Variants in ADGB observed in about 807,000 individuals in gnomAD.
ADGB encodes the protein calpain-7-like protein.
ADGB carries 172 observed loss-of-function variants against 210.5 expected under a neutral mutation model. The ratio of observed to expected loss-of-function variants is 0.82; its 90% CI spans 0.72 to 0.93. ADGB has a LOEUF of 0.93. ADGB is among the 40% of genes least tolerant of loss of function. ADGB has a pLI of 0.00. For missense variants in ADGB, 2,025 were observed against 1,964.8 expected, an observed-to-expected ratio of 1.03 and a Z score of -0.58; for synonymous variants, 658 against 662.7, an observed-to-expected ratio of 0.99 and a Z score of 0.11.
chr6:146,602,493 T>C (rs1415078209), intron 1 of ADGB, among the ~76,000 whole-genome samples: 1 of 152,236 alleles, frequency 6.6e-6, no homozygotes, highest in Non-Finnish European at 1.5e-5. Context: ...ATCACAACTG[T>C]CACAGATTAT....
intron 9 of ADGB, among the ~76,000 whole-genome samples, chr6:146,684,935 T>A (rs1776202370): frequency 1.3e-5 from 2 of 152,134 alleles, no homozygotes; most frequent in Non-Finnish European, 2.9e-5. Context: ...CAGATTTTCA[T>A]ATCTCCATTC....
intron 12 of ADGB, among the ~76,000 whole-genome samples, chr6:146,695,438 T>C (rs964338920): frequency 1.5e-4 from 23 of 152,136 alleles, no homozygotes; most frequent in Admixed American, 5.9e-4. Context: ...CATAGTAACT[T>C]GGAAATCATA....
intron 1 of ADGB, among the ~76,000 whole-genome samples, chr6:146,623,166 G>T (rs774414342): frequency 6.6e-6 from 1 of 151,604 alleles, no homozygotes; most frequent in Non-Finnish European, 1.5e-5. Flanking sequence ...TCTATTTTCC[G>T]TTTGGGTCCA....
chr6:146,629,176 G>T (rs1334620384), intron 1 of ADGB, among the ~76,000 whole-genome samples: 3 of 152,042 alleles, frequency 2.0e-5, no homozygotes, highest in African/African-American at 7.2e-5. Flanking sequence ...GAATTAATGA[G>T]ACCGGAATAA....
intron 3 of ADGB, among the ~76,000 whole-genome samples, chr6:146,649,715 T>C (rs184699808): frequency 6.6e-6 from 1 of 152,114 alleles, no homozygotes; most frequent in East Asian, 1.9e-4. Flanking sequence ...GGTCTCTTAG[T>C]TCCTAGGTTC....
chr6:146,779,704 C>G (rs920278904), intron 29 of ADGB, among the ~76,000 whole-genome samples: 3 of 151,460 alleles, frequency 2.0e-5, no homozygotes, highest in Non-Finnish European at 2.9e-5. Flanking sequence ...AATTTTCTAC[C>G]CAGAAAAGCT....
chr6:146,657,948 T>G (rs1334270786), intron 5 of ADGB, among the ~76,000 whole-genome samples: 2 of 152,214 alleles, frequency 1.3e-5, no homozygotes, highest in Non-Finnish European at 2.9e-5. Context: ...CTAGATCATA[T>G]CAAACTCTTT....
chr6:146,641,884 C>A (rs996494013), intron 2 of ADGB, among the ~76,000 whole-genome samples: 1 of 152,022 alleles, frequency 6.6e-6, no homozygotes, highest in Non-Finnish European at 1.5e-5. Context: ...GCAATTGCAA[C>A]AAAAGCAAAA....
intron 35 of ADGB, among the ~76,000 whole-genome samples, chr6:146,814,753 C>A (rs375169675): frequency 5.9e-5 from 9 of 152,198 alleles, no homozygotes; most frequent in African/African-American, 1.9e-4. Context: ...TATTTGAAAT[C>A]ATTTAAACAG....
At chr6:146,692,299 T>C (rs986081775) in intron 11 of ADGB, among the ~76,000 whole-genome samples, 2 of 152,104 alleles carry the variant, frequency 1.3e-5, no homozygotes, top group Non-Finnish European at 2.9e-5. Context: ...ATTTCTTTCT[T>C]CTGGATCAGC....
chr6:146,806,719 A>G (rs1778217551), intron 35 of ADGB, among the ~76,000 whole-genome samples: 1 of 152,222 alleles, frequency 6.6e-6, no homozygotes, highest in African/African-American at 2.4e-5. Flanking sequence ...ACAGTAAGCA[A>G]TTCATTTGGC....
intron 4 of ADGB, 58 bp from the exon 5 acceptor site, chr6:146,656,713 A>G: frequency 1.6e-6 from 2 of 1,231,992 alleles, no homozygotes; most frequent in Non-Finnish European, 2.2e-6. Context: ...TTTATCCCTA[A>G]ATTACAGTAC....
At chr6:146,742,064 G>C (rs1327713001) in intron 25 of ADGB, among the ~76,000 whole-genome samples, 1 of 151,972 alleles carries the variant, frequency 6.6e-6, no homozygotes, top group Non-Finnish European at 1.5e-5. Flanking sequence ...CTTATCTCAT[G>C]AATACTGCTT....
intron 1 of ADGB, among the ~76,000 whole-genome samples, chr6:146,620,781 T>C (rs1434708833): frequency 6.6e-6 from 1 of 152,178 alleles, no homozygotes; most frequent in Non-Finnish European, 1.5e-5. Flanking sequence ...CTGCCAGATC[T>C]CATAGATCTT....
At chr6:146,734,783 G>A (rs1459059617) in intron 22 of ADGB, among the ~76,000 whole-genome samples, 1 of 152,072 alleles carries the variant, frequency 6.6e-6, no homozygotes, top group Non-Finnish European at 1.5e-5. Flanking sequence ...GGTGGCATGT[G>A]CCTGTAGTCC....
At chr6:146,716,668 A>G (rs1776740374) in intron 14 of ADGB, among the ~76,000 whole-genome samples, 1 of 151,126 alleles carries the variant, frequency 6.6e-6, no homozygotes, top group African/African-American at 2.4e-5. Context: ...GAAATTTTTG[A>G]ACACCCTGAT....
Position 146,715,502 on chromosome 6 carries a change from C to T in ADGB, c.1741+87C>T, listed in dbSNP as rs1444117946. The T allele has an allele frequency of 5.8e-6, 5 of 867,634 alleles. No homozygotes were observed. The East Asian group carries it at 1.6e-4, about 27-fold the overall frequency. The allele number at this position is 867,634 out of a possible 1,614,324, so 53.7% of individuals were successfully genotyped here. ...TGCTTCTTGACAGCTTCCCTTCTGG[C>T]TCTCAGCAGCCTTTCTTCAGTGTCT... On this transcript the variant is annotated intron_variant, in intron 14 of 35. Transcript: ENST00000397944.
intron 33 of ADGB, among the ~76,000 whole-genome samples, chr6:146,795,039 C>A (rs1778019602): frequency 6.6e-6 from 1 of 152,082 alleles, no homozygotes; most frequent in South Asian, 2.1e-4. Context: ...CCATTGGTGA[C>A]CCCAAGGAAG....
chr6:146,686,961 G>A (rs1776240748), intron 10 of ADGB, among the ~76,000 whole-genome samples: 1 of 152,040 alleles, frequency 6.6e-6, no homozygotes, highest in Non-Finnish European at 1.5e-5. Context: ...CATTACATTT[G>A]TCTTTTAGAT....
Sources: allele counts gnomAD v4.1 joint callset (sites outside exome capture counted in the v4.1 genomes callset), GRCh38; gene constraint gnomAD v4.1.1; transcripts MANE v1.5; gene names NCBI Gene and HGNC (gene_info 2026-07-23, HGNC 2026-07-21).